MRPL39: variants seen among roughly 807,000 people sequenced by gnomAD.
MRPL39 encodes the protein large ribosomal subunit protein mL39.
Under a neutral mutation model 44.5 loss-of-function variants are expected in MRPL39, and 35 were observed. The observed-to-expected ratio is 0.79, with a 90% CI of 0.60 to 1.04. The LOEUF is 1.04. Ranked by LOEUF, MRPL39 falls within the 50% of genes least tolerant of loss-of-function variation. The pLI, the probability that MRPL39 is intolerant of heterozygous loss-of-function variation, is 0.00. For synonymous variants in MRPL39, 139 were observed against 136.1 expected (o/e 1.02, Z -0.15); for missense variants, 433 against 413.5 (o/e 1.05, Z -0.41).
Position 25,601,295 on chromosome 21 carries a change from A to G in MRPL39, c.520+73T>C, listed in dbSNP as rs572591641. ...TATAATGGTAATTTATATTAGTACTAAACTCTATACGTCATCAAAAATAGG... is the reference window on the plus strand; with the variant it reads ...TATAATGGTAATTTATATTAGTACTGAACTCTATACGTCATCAAAAATAGG... On this transcript the variant is annotated intron_variant, in intron 4 of 9. Coordinates refer to ENST00000352957, the MANE Select transcript of MRPL39 (RefSeq NM_017446.4). The G allele has an allele frequency of 6.3e-4, 567 of 895,204 alleles. 1 individual carries two copies. The highest frequency in any genetic ancestry group is 8.5e-4 in the Non-Finnish European group (504 of 591,518). The allele number at this position is 895,204 out of a possible 1,614,324, so 55.5% of individuals were successfully genotyped here. A position where few individuals can be genotyped will look rare whatever the true frequency, so the allele number is the denominator to read the frequency against.
At chr21:25,605,269 A>G (rs2031629622) in intron 2 of MRPL39, among the ~76,000 whole-genome samples, 2 of 152,228 alleles carry the variant, frequency 1.3e-5, no homozygotes, top group African/African-American at 2.4e-5. Flanking sequence ...CGTACTATCA[A>G]AACATTTTGA....
At chr21:25,597,890 G>A (rs9983219) in intron 5 of MRPL39, among the ~76,000 whole-genome samples, 119,404 of 152,036 alleles carry the variant, frequency 0.79, 47,079 homozygotes, top group Non-Finnish European at 0.82. Flanking sequence ...CCCACCCTGT[G>A]CAAAGTATAG....
upstream of MRPL39, chr21:25,607,497 G>A: frequency 6.2e-7 from 1 of 1,607,852 alleles, no homozygotes; most frequent in Non-Finnish European, 8.5e-7. Context: ...GAACCGTCGC[G>A]CGCAAGTCCT....
intron 8 of MRPL39, among the ~76,000 whole-genome samples, chr21:25,591,128 A>G (rs2031167234): frequency 1.3e-5 from 2 of 152,104 alleles, no homozygotes; most frequent in South Asian, 4.1e-4. Flanking sequence ...TCACACTCAT[A>G]GAAAAATTAA....
At chr21:25,588,040 G>A (rs903295046) in intron 9 of MRPL39, among the ~76,000 whole-genome samples, 3 of 152,154 alleles carry the variant, frequency 2.0e-5, no homozygotes, top group East Asian at 1.9e-4. Flanking sequence ...GGCCGGGCGC[G>A]GTGGCTCACG....
At chr21:25,598,641 T>A (rs1012159557) in intron 5 of MRPL39, among the ~76,000 whole-genome samples, 1 of 152,114 alleles carries the variant, frequency 6.6e-6, no homozygotes, top group African/African-American at 2.4e-5. Flanking sequence ...TTCCCTCCCC[T>A]CTTTCCATCC....
chr21:25,606,413 A>G lies in MRPL39; in HGVS notation c.280+36T>C, dbSNP rs749308388. 2.0e-6 allele frequency: 3 copies of G among 1,517,300 alleles called. No homozygotes were observed. The South Asian group carries it at 3.8e-5, about 19-fold the overall frequency. 94.0% of individuals were successfully genotyped at this position (1,517,300 alleles called of 1,614,324 possible). A position where few individuals can be genotyped will look rare whatever the true frequency, so the allele number is the denominator to read the frequency against. On this transcript the variant is annotated intron_variant, in intron 2 of 9. Transcript: ENST00000352957. The stretch of plus-strand genomic sequence containing the variant: ...CCAGTGCTTCCACACAGCTTAAGTA[A>G]AAGGGTCAAAACTGTAACCTGATTC...
chr21:25,601,933 T>C (rs2031537031), intron 3 of MRPL39, among the ~76,000 whole-genome samples: 1 of 152,242 alleles, frequency 6.6e-6, no homozygotes, highest in Non-Finnish European at 1.5e-5. Context: ...AGATTACTCA[T>C]ATTTATAGCA....
intron 8 of MRPL39, among the ~76,000 whole-genome samples, chr21:25,589,551 A>G (rs901669958): frequency 2.0e-5 from 3 of 151,956 alleles, no homozygotes; most frequent in African/African-American, 7.3e-5. Context: ...CCAAGACAAT[A>G]GTAAAATTTA....
intron 6 of MRPL39, among the ~76,000 whole-genome samples, chr21:25,596,406 T>C (rs1280486578): frequency 6.6e-6 from 1 of 152,206 alleles, no homozygotes; most frequent in East Asian, 1.9e-4. Flanking sequence ...CCGAGTAAAA[T>C]TTTTTAAGCC....
At chr21:25,607,774 C>T (rs1440243986), upstream of MRPL39, among the ~76,000 whole-genome samples, 1 of 152,080 alleles carries the variant, frequency 6.6e-6, no homozygotes, top group African/African-American at 2.4e-5. Context: ...CAGAGTTCCA[C>T]AGGCGTCGTT....
chr21:25,598,114 G>C (rs554373665), intron 5 of MRPL39, among the ~76,000 whole-genome samples: 62 of 151,954 alleles, frequency 4.1e-4, no homozygotes, highest in African/African-American at 1.4e-3. Flanking sequence ...AATCCTATTA[G>C]ACTTTTTTGC....
upstream of MRPL39, chr21:25,607,511 C>T: frequency 2.5e-6 from 4 of 1,601,580 alleles, no homozygotes; most frequent in South Asian, 2.2e-5. Context: ...AAGTCCTTCT[C>T]CGCCCTCCTC....
intron 9 of MRPL39, chr21:25,587,772 G>C: frequency 6.2e-7 from 1 of 1,612,812 alleles, no homozygotes; most frequent in Non-Finnish European, 8.5e-7. Context: ...TAAATAGAAG[G>C]AGAATGGGAA....
chr21:25,607,568 T>A, upstream of MRPL39: 1 of 1,329,292 alleles, frequency 7.5e-7, no homozygotes, highest in South Asian at 1.3e-5. Flanking sequence ...ACAGGTCTGT[T>A]CCGGACCCAG....
chr21:25,596,927 G>C (rs1236275867), intron 6 of MRPL39, among the ~76,000 whole-genome samples: 2 of 152,278 alleles, frequency 1.3e-5, no homozygotes, highest in African/African-American at 4.8e-5. Flanking sequence ...CAAACTGCTT[G>C]CATTTTCAAT....
chr21:25,587,149 C>T (rs2031022270), intron 9 of MRPL39, among the ~76,000 whole-genome samples: 1 of 152,208 alleles, frequency 6.6e-6, no homozygotes, highest in Non-Finnish European at 1.5e-5. Context: ...AGGTAAGACA[C>T]TGTCTCTGCC....
intron 1 of MRPL39, among the ~76,000 whole-genome samples, chr21:25,607,108 C>A (rs990949850): frequency 6.6e-6 from 1 of 152,278 alleles, no homozygotes; most frequent in Non-Finnish European, 1.5e-5. Context: ...CTTGGGAAGA[C>A]ATGGACAGAT....
chr21:25,603,525 T>A (rs2031578456), intron 3 of MRPL39, among the ~76,000 whole-genome samples: 1 of 152,036 alleles, frequency 6.6e-6, no homozygotes, highest in South Asian at 2.1e-4. Flanking sequence ...GGAAATGGAA[T>A]CACCCACAAT....
Sources: gnomAD v4.1 joint callset for allele counts (sites outside exome capture counted in the v4.1 genomes callset) on GRCh38, gnomAD v4.1.1 for gene constraint, MANE v1.5 for transcripts, NCBI Gene and HGNC (gene_info 2026-07-23, HGNC 2026-07-21) for gene names.